RBFOX1: variants seen among roughly 807,000 people sequenced by gnomAD.
The protein encoded by RBFOX1 is RNA binding protein fox-1 homolog 1.
A neutral mutation model predicts 57.7 loss-of-function variants in RBFOX1; 8 were observed. The observed-to-expected ratio is 0.14, with a 90% confidence interval of 0.08 to 0.25. RBFOX1 has a LOEUF of 0.25. Among genes scored for constraint, RBFOX1 ranks in the 10% least tolerant of loss-of-function variants. The pLI, the probability that RBFOX1 is intolerant of heterozygous loss-of-function variation, is 1.00. For missense variants in RBFOX1, 611 were observed against 548.5 expected (o/e 1.11, Z -1.14); for synonymous variants, 326 against 222.4 (o/e 1.47, Z -4.15).
chr16:7,363,834 T>C (rs1012026102), intron 4 of RBFOX1, among the ~76,000 whole-genome samples: 5 of 152,206 alleles, frequency 3.3e-5, no homozygotes, highest in African/African-American at 7.2e-5. Flanking sequence ...GTCTTCTTGA[T>C]GTTTATTATC....
chr16:6,981,753 A>G (rs541794548), intron 3 of RBFOX1, among the ~76,000 whole-genome samples: 15 of 152,216 alleles, frequency 9.9e-5, no homozygotes, highest in Admixed American at 3.3e-4. Flanking sequence ...TCATGATTCA[A>G]TTATTTCCCG....
At chr16:7,706,363 G>C (rs781639040) in intron 14 of RBFOX1, among the ~76,000 whole-genome samples, 1 of 152,196 alleles carries the variant, frequency 6.6e-6, no homozygotes, top group Non-Finnish European at 1.5e-5. Context: ...CAATGCTGCT[G>C]TATTTTCCTT....
In RBFOX1 at chr16:6,086,415, GT is replaced by G. The variant is rs749931163; in HGVS notation, c.-127+66425del. On this transcript the variant is annotated intron_variant, in intron 1 of 15. Transcript: ENST00000550418. ...ATAGTGTTTAATCCACTCTGAGTCA[GT>G]TCTGCAGAGCAGTCGGTGGTAAAGT... Among the ~76,000 whole-genome samples the G allele has an allele frequency of 2.0e-5, 3 of 152,164 alleles. No homozygotes were observed. In the East Asian group the frequency reaches 5.8e-4, roughly 29 times the overall value.
At chr16:5,816,499 G>A (rs899434962) in intron 3 of RBFOX1, among the ~76,000 whole-genome samples, 3 of 152,238 alleles carry the variant, frequency 2.0e-5, no homozygotes, top group African/African-American at 7.2e-5. Context: ...CCTATCTGAA[G>A]CTCCTTTCTC....
intron 2 of RBFOX1, among the ~76,000 whole-genome samples, chr16:6,411,076 C>G (rs2093444450): frequency 2.0e-5 from 3 of 152,178 alleles, no homozygotes; most frequent in Admixed American, 6.5e-5. Flanking sequence ...TATTATTCCC[C>G]TACTCTGAAA....
At chr16:6,897,004 G>A (rs185409286) in intron 3 of RBFOX1, among the ~76,000 whole-genome samples, 9 of 152,304 alleles carry the variant, frequency 5.9e-5, no homozygotes, top group Non-Finnish European at 1.2e-4. Context: ...CAGCAGCAGG[G>A]GACGCACCTG....
At chr16:5,672,900 C>T (rs923042703) in intron 3 of RBFOX1, among the ~76,000 whole-genome samples, 11 of 150,942 alleles carry the variant, frequency 7.3e-5, no homozygotes, top group African/African-American at 2.4e-4. Context: ...TCTGGGTTTT[C>T]ATTTTTAATA....
At chr16:6,669,227 A>G (rs893462063) in intron 3 of RBFOX1, among the ~76,000 whole-genome samples, 2 of 152,206 alleles carry the variant, frequency 1.3e-5, no homozygotes, top group Non-Finnish European at 2.9e-5. Flanking sequence ...TGCAATAACA[A>G]CAGAATTCAA....
At chr16:6,444,749 G>C (rs1052923305) in intron 2 of RBFOX1, among the ~76,000 whole-genome samples, 4 of 152,114 alleles carry the variant, frequency 2.6e-5, no homozygotes, top group African/African-American at 7.2e-5. Context: ...GTGTGGCTGA[G>C]GAGAGAAAGA....
At chr16:7,331,034 C>A (rs1471002593) in intron 4 of RBFOX1, among the ~76,000 whole-genome samples, 1 of 152,210 alleles carries the variant, frequency 6.6e-6, no homozygotes, top group African/African-American at 2.4e-5. Context: ...CACTTTGATG[C>A]ATGAGAATCA....
At chr16:7,590,525 T>A (rs1446229367) in intron 7 of RBFOX1, among the ~76,000 whole-genome samples, 1 of 152,024 alleles carries the variant, frequency 6.6e-6, no homozygotes, top group African/African-American at 2.4e-5. Context: ...TATGGTCTAT[T>A]TAAGGGCTGT....
intron 1 of RBFOX1, among the ~76,000 whole-genome samples, chr16:6,250,658 C>G (rs752907943): frequency 3.3e-4 from 50 of 152,282 alleles, no homozygotes; most frequent in Non-Finnish European, 6.8e-4. Context: ...GATTGGTTCT[C>G]TGCACCAGTC....
Position 6,151,699 on chromosome 16 carries a change from T to G in RBFOX1, c.-127+131707T>G, listed in dbSNP as rs530431337. Among the ~76,000 whole-genome samples, 3 of 152,324 alleles carry G rather than the reference T, an allele frequency of 2.0e-5. No homozygotes were observed. The East Asian group carries it at 5.8e-4, about 29-fold the overall frequency. On this transcript the variant is annotated intron_variant, in intron 1 of 15. Transcript: ENST00000550418. ...TTGTTAGAAGAGGGGGAGGTATTAA[T>G]GAGGCTACACAGGCACTGCTGTGAA...
intron 3 of RBFOX1, among the ~76,000 whole-genome samples, chr16:5,756,751 G>C (rs1338358498): frequency 1.3e-5 from 2 of 152,176 alleles, no homozygotes; most frequent in Non-Finnish European, 2.9e-5. Context: ...GAGACCCCAT[G>C]AAATCAATGG....
At chr16:6,861,315 T>C (rs539955828) in intron 3 of RBFOX1, among the ~76,000 whole-genome samples, 13 of 152,140 alleles carry the variant, frequency 8.5e-5, no homozygotes, top group Non-Finnish European at 1.6e-4. Flanking sequence ...TTCGAGTGCA[T>C]TGTCTTGGTA....
intron 12 of RBFOX1, among the ~76,000 whole-genome samples, chr16:7,661,783 G>T (rs577767695): frequency 3.9e-5 from 6 of 152,162 alleles, no homozygotes; most frequent in African/African-American, 1.2e-4. Flanking sequence ...TTTTCACAAT[G>T]AGAAAGCTAC....
intron 2 of RBFOX1, among the ~76,000 whole-genome samples, chr16:5,524,581 C>G (rs1468331393): frequency 1.3e-5 from 2 of 151,162 alleles, no homozygotes; most frequent in Non-Finnish European, 2.9e-5. Flanking sequence ...TGCTCTGTCG[C>G]CCAGGCTGGA....
chr16:5,573,787 TATC>T (rs1386549398), intron 2 of RBFOX1, among the ~76,000 whole-genome samples: 1 of 151,934 alleles, frequency 6.6e-6, no homozygotes, highest in African/African-American at 2.4e-5. Context: ...CATGGCAAGA[TATC>T]ATATCTACAA....
intron 3 of RBFOX1, chr16:6,775,896 G>A (rs1380800162): frequency 2.0e-5 from 3 of 152,192 alleles, no homozygotes; most frequent in Admixed American, 6.5e-5. Context: ...GCTGGTGCAC[G>A]GCTGTGAGTG....
Sources: gnomAD v4.1 joint callset for allele counts (sites outside exome capture counted in the v4.1 genomes callset) on GRCh38, gnomAD v4.1.1 for gene constraint, MANE v1.5 for transcripts, NCBI Gene and HGNC (gene_info 2026-07-23, HGNC 2026-07-21) for gene names.